The following APP variants were observed in gnomAD, a reference collection of about 807,000 sequenced individuals.
APP encodes amyloid beta precursor protein.
Under a neutral mutation model 101.4 loss-of-function variants are expected in APP, and 31 were observed. That is an observed-to-expected ratio of 0.31 (90% confidence interval 0.23 to 0.41). The LOEUF (loss-of-function observed/expected upper bound fraction) is 0.41, where lower values mean the gene tolerates loss of function less well. Among genes scored for constraint, APP ranks in the 10% least tolerant of loss-of-function variants. The pLI is 1.00. For missense variants in APP, 839 were observed against 1,003.7 expected, an observed-to-expected ratio of 0.84 and a Z score of 2.22; for synonymous variants, 366 against 364.4, an observed-to-expected ratio of 1.00 and a Z score of -0.05.
At chr21:26,037,996 A>G (rs115656878) in intron 5 of APP, among the ~76,000 whole-genome samples, 3,236 of 152,286 alleles carry the variant, frequency 0.021, 106 homozygotes, top group African/African-American at 0.074. Flanking sequence ...AAAATTGAAG[A>G]TCCTAAAAAA....
chr21:25,996,801 C>G (rs2043073494), intron 8 of APP, among the ~76,000 whole-genome samples: 1 of 152,220 alleles, frequency 6.6e-6, no homozygotes, highest in Non-Finnish European at 1.5e-5. Flanking sequence ...GTCTTTGGAA[C>G]AAGTCCTGTA....
At chr21:26,119,529 A>G (rs967314131) in intron 1 of APP, among the ~76,000 whole-genome samples, 5 of 152,176 alleles carry the variant, frequency 3.3e-5, no homozygotes, top group African/African-American at 4.8e-5. Flanking sequence ...AAATCTCCCA[A>G]TGTTCCAACT....
At chr21:26,027,809 G>A (rs1424094353) in intron 5 of APP, among the ~76,000 whole-genome samples, 1 of 137,430 alleles carries the variant, frequency 7.3e-6, no homozygotes, top group Non-Finnish European at 1.5e-5. Context: ...AGGGTTTCTT[G>A]TTACTTGCAG....
chr21:26,042,633 G>A (rs2045423465), intron 5 of APP, among the ~76,000 whole-genome samples: 2 of 152,200 alleles, frequency 1.3e-5, no homozygotes, highest in Admixed American at 1.3e-4. Context: ...CTGGCGTGGT[G>A]GCTCATGCCT....
intron 1 of APP, among the ~76,000 whole-genome samples, chr21:26,128,525 T>C (rs778662914): frequency 6.6e-6 from 1 of 152,228 alleles, no homozygotes; most frequent in Non-Finnish European, 1.5e-5. Flanking sequence ...TCACTAGTAA[T>C]GTATACTCAA....
chr21:26,092,342 G>A (rs1282704676), intron 2 of APP, among the ~76,000 whole-genome samples: 1 of 152,144 alleles, frequency 6.6e-6, no homozygotes. Context: ...AACACTAAAA[G>A]GAAATGGGCT....
chr21:26,125,577 T>G (rs1009110441), intron 1 of APP, among the ~76,000 whole-genome samples: 1 of 151,794 alleles, frequency 6.6e-6, no homozygotes, highest in African/African-American at 2.4e-5. Flanking sequence ...GCACATTCGG[T>G]GCGGTGTTTA....
At chr21:25,957,470 G>A (rs1402731647) in intron 11 of APP, among the ~76,000 whole-genome samples, 1 of 152,132 alleles carries the variant, frequency 6.6e-6, no homozygotes, top group Admixed American at 6.5e-5. Context: ...AACCACCCTC[G>A]ATGCTTGCTT....
chr21:26,040,633 G>A (rs2045332993), intron 5 of APP, among the ~76,000 whole-genome samples: 1 of 151,202 alleles, frequency 6.6e-6, no homozygotes, highest in Non-Finnish European at 1.5e-5. Context: ...GCTGAGTGTG[G>A]AAGCAGGCAC....
At chr21:26,095,382 G>A (rs773445330) in intron 2 of APP, among the ~76,000 whole-genome samples, 2 of 152,218 alleles carry the variant, frequency 1.3e-5, no homozygotes, top group Non-Finnish European at 2.9e-5. Context: ...TCTCCATGCT[G>A]TACATGCTAC....
At chr21:26,151,669 C>G (rs545262855) in intron 1 of APP, among the ~76,000 whole-genome samples, 198 of 152,250 alleles carry the variant, frequency 1.3e-3, no homozygotes, top group Non-Finnish European at 2.6e-3. Flanking sequence ...GAGTGTGCAA[C>G]GCAGCTCTCA....
intron 1 of APP, among the ~76,000 whole-genome samples, chr21:26,114,352 G>A (rs1184983408): frequency 6.6e-6 from 1 of 152,140 alleles, no homozygotes; most frequent in African/African-American, 2.4e-5. Context: ...CATGGACCCT[G>A]GGAAACTCCA....
intron 1 of APP, among the ~76,000 whole-genome samples, chr21:26,142,222 C>A (rs2063061808): frequency 6.6e-6 from 1 of 152,232 alleles, no homozygotes; most frequent in East Asian, 1.9e-4. Context: ...CACAATGCGT[C>A]CTGGATGGAG....
intron 1 of APP, among the ~76,000 whole-genome samples, chr21:26,165,451 A>G (rs462281): frequency 0.053 from 8,134 of 152,320 alleles, 361 homozygotes; most frequent in East Asian, 0.2. Context: ...GCTCAAAAGA[A>G]ACAAAGACAG....
intron 1 of APP, among the ~76,000 whole-genome samples, chr21:26,147,913 T>G (rs1458572461): frequency 6.6e-6 from 1 of 152,142 alleles, no homozygotes; most frequent in African/African-American, 2.4e-5. Flanking sequence ...AATTCAGATT[T>G]TGTGAATTAA....
At chr21:25,884,523 C>T (rs2037197992) in intron 17 of APP, among the ~76,000 whole-genome samples, 1 of 152,182 alleles carries the variant, frequency 6.6e-6, no homozygotes, top group Admixed American at 6.5e-5. Flanking sequence ...TAGCCTCCAA[C>T]TTGTAAGTTA....
At position 26,159,569 on chromosome 21, in the gene APP, G is replaced by A. The variant is rs151174832; in HGVS notation, c.57+10995C>T. 2.1e-3 allele frequency among the ~76,000 whole-genome samples: 324 copies of A among 152,242 alleles called. 1 individual carries two copies. Among genetic ancestry groups the A allele is most frequent in the Non-Finnish European group, 2.9e-3 (200 of 68,026 alleles). On this transcript the variant is annotated intron_variant, in intron 1 of 17. Transcript: ENST00000346798. ...CAGAAGAATCACGGGCTTAGGCTTG[G>A]CTTTGTGTTCAACCTCTGATAGAAA...
At chr21:25,926,966 G>A (rs2146376502) in intron 13 of APP, among the ~76,000 whole-genome samples, 1 of 119,650 alleles carries the variant, frequency 8.4e-6, no homozygotes, top group Admixed American at 1.2e-4. Context: ...TCGCGCCACT[G>A]CACTCCAGTC....
intron 1 of APP, among the ~76,000 whole-genome samples, chr21:26,163,606 G>A (rs1352142944): frequency 6.6e-6 from 1 of 152,142 alleles, no homozygotes; most frequent in Non-Finnish European, 1.5e-5. Flanking sequence ...TCACAAATAT[G>A]GCTTCTGTCA....
Sources: gnomAD v4.1 joint callset for allele counts (sites outside exome capture counted in the v4.1 genomes callset) on GRCh38, gnomAD v4.1.1 for gene constraint, MANE v1.5 for transcripts, NCBI Gene and HGNC (gene_info 2026-07-23, HGNC 2026-07-21) for gene names.